The following NBAS variants were observed in gnomAD, a reference collection of about 807,000 sequenced individuals.
NBAS encodes the protein NAG/BC035112 fusion.
A neutral mutation model predicts 302.5 loss-of-function variants in NBAS; 219 were observed. That is an observed-to-expected ratio of 0.72 (90% CI 0.65 to 0.81). The LOEUF (loss-of-function observed/expected upper bound fraction) is 0.81. Ranked by LOEUF, NBAS falls within the 30% of genes least tolerant of loss-of-function variation. NBAS has a pLI of 0.00. For missense variants in NBAS, 2,932 were observed against 2,841.6 expected, an observed-to-expected ratio of 1.03 and a Z score of -0.72; for synonymous variants, 1,118 against 1,021.6, an observed-to-expected ratio of 1.09 and a Z score of -1.80.
At chr2:15,436,256 A>C (rs941611863) in intron 21 of NBAS, among the ~76,000 whole-genome samples, 2 of 152,310 alleles carry the variant, frequency 1.3e-5, no homozygotes, top group East Asian at 3.9e-4. Context: ...CATAGCTAAG[A>C]CTATTTGCCT....
chr2:15,006,672 T>A, the NBAS span, among the ~76,000 whole-genome samples: 1 of 152,210 alleles, frequency 6.6e-6, no homozygotes, highest in Admixed American at 6.5e-5. Context: ...ATTTAATACA[T>A]AACTATTCGT....
intron 38 of NBAS, among the ~76,000 whole-genome samples, chr2:15,317,621 C>T (rs1671576764): frequency 6.6e-6 from 1 of 151,888 alleles, no homozygotes; most frequent in Non-Finnish European, 1.5e-5. Context: ...CTTCAGTAGC[C>T]AATTTGGTCA....
the NBAS span, among the ~76,000 whole-genome samples, chr2:14,879,462 C>A: frequency 2.6e-5 from 4 of 152,266 alleles, no homozygotes; most frequent in East Asian, 7.7e-4. Context: ...TCTAACCCAC[C>A]TTTACCAACG....
chr2:14,927,726 G>GT, the NBAS span, among the ~76,000 whole-genome samples: 1 of 152,282 alleles, frequency 6.6e-6, no homozygotes, highest in East Asian at 1.9e-4. Flanking sequence ...TTTTCTGATT[G>GT]TTTTTATCGT....
At chr2:15,428,853 C>A (rs1308171814) in intron 21 of NBAS, among the ~76,000 whole-genome samples, 1 of 151,358 alleles carries the variant, frequency 6.6e-6, no homozygotes, top group East Asian at 1.9e-4. Flanking sequence ...ACCATCCTAG[C>A]TAACACAGTG....
At chr2:15,237,286 T>C (rs1667636820) in intron 45 of NBAS, among the ~76,000 whole-genome samples, 1 of 152,130 alleles carries the variant, frequency 6.6e-6, no homozygotes, top group South Asian at 2.1e-4. Flanking sequence ...TCTGGTTTCA[T>C]TGTATAGTCC....
Position 15,468,412 on chromosome 2 carries a change from A to G in NBAS, c.1847T>C (p.Leu616Ser), listed in dbSNP as rs1266207949. 4 of 1,613,976 alleles carry G rather than the reference A, an allele frequency of 2.5e-6. No individual in the cohort carries two copies. The Admixed American group carries it at 5.0e-5, about 20-fold the overall frequency. The change falls in exon 17 of 52, where the codon TTA becomes TCA. Residue 616 changes from leucine to serine, a missense_variant. By Grantham distance (145) the Leu-to-Ser change is moderately radical. Coordinates refer to ENST00000281513, the MANE Select transcript of NBAS (RefSeq NM_015909.4). ...GLKGTDLEAL[L>S]AIGKGADDGR... ...ATCATCTGCTCCTTTCCCTATTGCT[A>G]AAAGAGCCTCCAGGTCTGTGCCTTT...
At chr2:15,185,495 T>G (rs1205707807) in intron 50 of NBAS, among the ~76,000 whole-genome samples, 2 of 152,158 alleles carry the variant, frequency 1.3e-5, no homozygotes, top group Non-Finnish European at 1.5e-5. Flanking sequence ...GTGGGGATAA[T>G]GAAGTGCACT....
At chr2:15,383,065 T>G (rs1400222762) in intron 29 of NBAS, 150 bp downstream of exon 29, 3 of 648,222 alleles carry the variant, frequency 4.6e-6, no homozygotes, top group East Asian at 2.9e-5. Context: ...AGGAATAAAG[T>G]GCTCAACCTA....
the NBAS span, among the ~76,000 whole-genome samples, chr2:14,961,703 A>T: frequency 6.6e-6 from 1 of 152,356 alleles, no homozygotes; most frequent in South Asian, 2.1e-4. Flanking sequence ...CACAGGTACT[A>T]TTATTATTCC....
At chr2:14,963,511 T>A in the NBAS span, among the ~76,000 whole-genome samples, 3 of 152,168 alleles carry the variant, frequency 2.0e-5, no homozygotes, top group African/African-American at 7.2e-5. Context: ...ATTATTTTCT[T>A]TCAACAAAAA....
At chr2:15,183,445 G>T (rs914704676) in intron 50 of NBAS, among the ~76,000 whole-genome samples, 1 of 152,206 alleles carries the variant, frequency 6.6e-6, no homozygotes, top group African/African-American at 2.4e-5. Flanking sequence ...TTTGCAACGG[G>T]ATTTAACCCA....
Position 15,275,464 on chromosome 2 carries a change from T to A in NBAS, c.5724+20A>T. 4 of 1,610,826 alleles carry A rather than the reference T, an allele frequency of 2.5e-6. No homozygotes were observed. Among genetic ancestry groups the A allele is most frequent in the Non-Finnish European group, 3.4e-6 (4 of 1,177,830 alleles). On this transcript the variant is annotated intron_variant, in intron 44 of 51. Coordinates refer to ENST00000281513, the MANE Select transcript of NBAS (RefSeq NM_015909.4). ...TTCTTCTACTGTGCTCAAACCACTT[T>A]AAAATATCTTTTTGTTTACCTTGGT...
the NBAS span, among the ~76,000 whole-genome samples, chr2:14,862,456 G>A: frequency 1.3e-5 from 2 of 152,074 alleles, no homozygotes; most frequent in Admixed American, 1.3e-4. Flanking sequence ...GTTTCTGGAA[G>A]GTGGGTTAGC....
the NBAS span, among the ~76,000 whole-genome samples, chr2:14,941,125 T>A: frequency 6.6e-6 from 1 of 152,206 alleles, no homozygotes; most frequent in Non-Finnish European, 1.5e-5. Flanking sequence ...ATGTAGTAAG[T>A]GTCTGACAAA....
chr2:15,179,145 A>T (rs780973847), intron 50 of NBAS, 29 bp from the exon 51 acceptor site: 83 of 1,613,634 alleles, frequency 5.1e-5, no homozygotes, highest in Non-Finnish European at 6.4e-5. Flanking sequence ...GGTGAGCGAG[A>T]ACTCCACGAC....
At chr2:15,534,724 T>C in intron 8 of NBAS, 83 bp from the exon 9 acceptor site, 1 of 1,069,480 alleles carries the variant, frequency 9.4e-7, no homozygotes, top group Non-Finnish European at 1.5e-6. Context: ...TGTTTAGAAT[T>C]TAAAAGACAG....
the NBAS span, among the ~76,000 whole-genome samples, chr2:14,804,734 A>G: frequency 6.6e-6 from 1 of 152,240 alleles, no homozygotes; most frequent in African/African-American, 2.4e-5. Flanking sequence ...TTTTCTGCAC[A>G]GTGTTCAGTC....
At chr2:14,877,769 A>G in the NBAS span, among the ~76,000 whole-genome samples, 1 of 152,148 alleles carries the variant, frequency 6.6e-6, no homozygotes, top group East Asian at 1.9e-4. Context: ...CACTACTATT[A>G]ATTAAGTCCT....
Sources: gnomAD v4.1 joint callset for allele counts (sites outside exome capture counted in the v4.1 genomes callset) on GRCh38, gnomAD v4.1.1 for gene constraint, MANE v1.5 for transcripts, NCBI Gene and HGNC (gene_info 2026-07-23, HGNC 2026-07-21) for gene names.